SLC24A3: variants seen among roughly 807,000 people sequenced by gnomAD.
SLC24A3 encodes the protein sodium/potassium/calcium exchanger 3.
In SLC24A3, 28 loss-of-function variants were observed where a neutral mutation model predicts 75.8. That is an observed-to-expected ratio of 0.37 (90% confidence interval 0.27 to 0.51). The LOEUF is 0.51. Ranked by LOEUF, SLC24A3 falls within the 20% of genes least tolerant of loss-of-function variation. SLC24A3 has a pLI of 0.94. For missense variants in SLC24A3, 663 were observed against 847.8 expected (o/e 0.78, Z 2.71); for synonymous variants, 372 against 334.1 (o/e 1.11, Z -1.24).
At chr20:19,385,290 T>C (rs984612379) in intron 2 of SLC24A3, among the ~76,000 whole-genome samples, 1 of 152,240 alleles carries the variant, frequency 6.6e-6, no homozygotes, top group Non-Finnish European at 1.5e-5. Context: ...TCAGCCCTTA[T>C]GGTAAGTTTT....
At chr20:19,492,525 G>T (rs1184854074) in intron 2 of SLC24A3, among the ~76,000 whole-genome samples, 1 of 152,174 alleles carries the variant, frequency 6.6e-6, no homozygotes, top group Non-Finnish European at 1.5e-5. Context: ...AAGAAGCAGA[G>T]GATTCCAGGA....
chr20:19,384,838 A>G (rs575576681), intron 2 of SLC24A3, among the ~76,000 whole-genome samples: 35 of 152,152 alleles, frequency 2.3e-4, no homozygotes, highest in African/African-American at 7.2e-4. Flanking sequence ...CCTTGCCAAC[A>G]CTTGTTTTCT....
At chr20:19,374,766 T>C (rs1986052723) in intron 2 of SLC24A3, among the ~76,000 whole-genome samples, 1 of 152,140 alleles carries the variant, frequency 6.6e-6, no homozygotes, top group African/African-American at 2.4e-5. Context: ...ATGGCCCTGA[T>C]CATATTCTTC....
intron 2 of SLC24A3, among the ~76,000 whole-genome samples, chr20:19,410,178 CAGG>C (rs1450049611): frequency 6.6e-6 from 1 of 152,070 alleles, no homozygotes; most frequent in African/African-American, 2.4e-5. Flanking sequence ...TCCCAAGAAT[CAGG>C]AGACTTTATC....
At chr20:19,691,786 C>T (rs553676096) in intron 12 of SLC24A3, among the ~76,000 whole-genome samples, 79 of 152,350 alleles carry the variant, frequency 5.2e-4, no homozygotes, top group African/African-American at 1.6e-3. Flanking sequence ...TCCCAGCCCT[C>T]ATCCTAATAT....
chr20:19,569,450 C>T (rs1352043102), intron 3 of SLC24A3, among the ~76,000 whole-genome samples: 1 of 152,124 alleles, frequency 6.6e-6, no homozygotes, highest in African/African-American at 2.4e-5. Context: ...CCACTTGTGC[C>T]TCCCATTTCC....
chr20:19,505,162 C>A (rs778922649), intron 2 of SLC24A3, among the ~76,000 whole-genome samples: 11 of 152,134 alleles, frequency 7.2e-5, no homozygotes, highest in Non-Finnish European at 1.5e-4. Flanking sequence ...TGTTTAAAAT[C>A]TTCTGCCAAT....
At chr20:19,512,224 G>A (rs996676515) in intron 2 of SLC24A3, among the ~76,000 whole-genome samples, 2 of 152,148 alleles carry the variant, frequency 1.3e-5, no homozygotes, top group African/African-American at 4.8e-5. Context: ...TCAGGTCACT[G>A]GTAAGCTGCC....
chr20:19,594,975 T>C (rs774813238), intron 6 of SLC24A3, among the ~76,000 whole-genome samples: 26 of 152,182 alleles, frequency 1.7e-4, no homozygotes, highest in Admixed American at 4.6e-4. Flanking sequence ...CCATTTAAAA[T>C]GTAGACTCTG....
At chr20:19,599,997 C>T (rs765299029) in intron 6 of SLC24A3, among the ~76,000 whole-genome samples, 1 of 152,162 alleles carries the variant, frequency 6.6e-6, no homozygotes, top group Non-Finnish European at 1.5e-5. Flanking sequence ...ATGTTGGCGT[C>T]GAAGTCCTTG....
intron 2 of SLC24A3, among the ~76,000 whole-genome samples, chr20:19,356,473 T>C (rs1201422975): frequency 6.6e-6 from 1 of 152,250 alleles, no homozygotes; most frequent in Non-Finnish European, 1.5e-5. Context: ...CTTTTTCCTC[T>C]TGACATTATT....
At chr20:19,641,272 A>G (rs562466259) in intron 6 of SLC24A3, among the ~76,000 whole-genome samples, 1 of 152,320 alleles carries the variant, frequency 6.6e-6, no homozygotes, top group East Asian at 1.9e-4. Context: ...AGTCAGTGTC[A>G]GCCACCCATC....
At chr20:19,470,524 A>G (rs1987852111) in intron 2 of SLC24A3, among the ~76,000 whole-genome samples, 1 of 152,184 alleles carries the variant, frequency 6.6e-6, no homozygotes, top group African/African-American at 2.4e-5. Context: ...ACTCAGATGC[A>G]CAGCATTAAG....
At chr20:19,522,831 G>A (rs2030128305) in intron 3 of SLC24A3, among the ~76,000 whole-genome samples, 1 of 151,982 alleles carries the variant, frequency 6.6e-6, no homozygotes, top group African/African-American at 2.4e-5. Context: ...CTATATTTAT[G>A]GGGTATAATG....
At chr20:19,228,976 A>G (rs778927866) in intron 1 of SLC24A3, among the ~76,000 whole-genome samples, 1 of 152,170 alleles carries the variant, frequency 6.6e-6, no homozygotes, top group Non-Finnish European at 1.5e-5. Flanking sequence ...GAAGCATGGA[A>G]ATTATTTGTA....
chr20:19,324,314 C>G (rs545235245), intron 2 of SLC24A3, among the ~76,000 whole-genome samples: 1 of 152,204 alleles, frequency 6.6e-6, no homozygotes, highest in Non-Finnish European at 1.5e-5. Flanking sequence ...GGTGCTAAAA[C>G]TTCACTGGAT....
chr20:19,575,011 A>G (rs1450774813), intron 3 of SLC24A3, among the ~76,000 whole-genome samples: 1 of 152,060 alleles, frequency 6.6e-6, no homozygotes, highest in Non-Finnish European at 1.5e-5. Context: ...GCACTTTGGG[A>G]GGCCCAAGTG....
intron 6 of SLC24A3, among the ~76,000 whole-genome samples, chr20:19,622,411 G>A (rs755737090): frequency 1.2e-4 from 18 of 152,194 alleles, no homozygotes; most frequent in Non-Finnish European, 2.1e-4. Flanking sequence ...AAAGTGTTTA[G>A]TGATAGTTCT....
intron 1 of SLC24A3, among the ~76,000 whole-genome samples, chr20:19,253,168 G>A (rs955900516): frequency 1.3e-5 from 2 of 152,188 alleles, no homozygotes; most frequent in African/African-American, 4.8e-5. Context: ...AGTAGGTAGA[G>A]GAGGGGACAG....
Sources: allele counts gnomAD v4.1 joint callset (sites outside exome capture counted in the v4.1 genomes callset), GRCh38; gene constraint gnomAD v4.1.1; transcripts MANE v1.5; gene names NCBI Gene and HGNC (gene_info 2026-07-23, HGNC 2026-07-21).